Variants in DYNC2I2 observed in about 807,000 individuals in gnomAD.
DYNC2I2 encodes cytoplasmic dynein 2 intermediate chain 2.
In DYNC2I2, 39 loss-of-function variants were observed where a neutral mutation model predicts 52.0. The observed-to-expected ratio is 0.75, with a 90% CI of 0.58 to 0.98. DYNC2I2 has a LOEUF of 0.98. DYNC2I2 is among the 50% of genes least tolerant of loss of function. The pLI, the probability that DYNC2I2 is intolerant of heterozygous loss-of-function variation, is 0.00. For missense variants in DYNC2I2, 743 were observed against 728.4 expected, an observed-to-expected ratio of 1.02 and a Z score of -0.23; for synonymous variants, 359 against 321.1, an observed-to-expected ratio of 1.12 and a Z score of -1.26.
At position 128,642,359 on chromosome 9, in the gene DYNC2I2, G is replaced by C. The variant is rs566735983; in HGVS notation, c.187-1420C>G. Among the ~76,000 whole-genome samples, 3 of 150,644 alleles carry C rather than the reference G, an allele frequency of 2.0e-5. No individual in the cohort carries two copies. In the East Asian group the frequency reaches 5.9e-4, roughly 30 times the overall value. On this transcript the variant is annotated intron_variant, in intron 1 of 8. Transcript: ENST00000372715. ...TAATCCTAGCTACTCAGAAGGCTGA[G>C]GCAGGAGAACTGCTTGAACCCGGGA...
chr9:128,673,249 A>T, the DYNC2I2 span, among the ~76,000 whole-genome samples: 1 of 152,238 alleles, frequency 6.6e-6, no homozygotes. Context: ...AGATTAAAAA[A>T]TACTGTCAAT....
upstream of DYNC2I2, among the ~76,000 whole-genome samples, chr9:128,658,501 G>A (rs148351269): frequency 3.7e-3 from 555 of 150,858 alleles, 7 homozygotes; most frequent in African/African-American, 0.013. Flanking sequence ...TCGCTTTGTC[G>A]TCCAGGCTGG....
In DYNC2I2 at chr9:128,636,448, G is replaced by C; in HGVS notation, c.546-10C>G. The C allele has an allele frequency of 2.5e-6, 4 of 1,595,756 alleles. No homozygotes were observed. The highest frequency in any genetic ancestry group is 3.4e-6 in the Non-Finnish European group (4 of 1,175,168). On this transcript the variant is annotated splice_polypyrimidine_tract_variant and intron_variant, in intron 3 of 8. Coordinates refer to ENST00000372715, the MANE Select transcript of DYNC2I2 (RefSeq NM_052844.4). ...GTCCCCATGGTCCAGCCTGTGCAGG[G>C]ACAGGCTTGAGCCGGCTGTGCCCCT...
Position 128,634,330 on chromosome 9 carries a change from A to T in DYNC2I2, c.1268T>A (p.Leu423Gln). The change falls in exon 8 of 9, where the codon CTG (leucine) becomes CAG (glutamine). Residue 423 changes from leucine to glutamine, a missense_variant. Coordinates refer to ENST00000372715, the MANE Select transcript of DYNC2I2 (RefSeq NM_052844.4). ...CAGCGAAGTCAAGGGAGGGGCCTGC[A>T]GCATGGAGTACAGGTGGACATGCCC... ...TDGHVHLYSM[L>Q]QAPPLTSLQL... The T allele has an allele frequency of 1.2e-6, 2 of 1,612,356 alleles. No homozygotes were observed. The highest frequency in any genetic ancestry group is 1.7e-6 in the Non-Finnish European group (2 of 1,179,348).
chr9:128,674,508 C>T, the DYNC2I2 span, among the ~76,000 whole-genome samples: 1 of 150,786 alleles, frequency 6.6e-6, no homozygotes, highest in East Asian at 2.1e-4. Context: ...CTTTGGGAGG[C>T]CAAGGACGGT....
At chr9:128,647,805 C>T (rs976506464) in intron 1 of DYNC2I2, among the ~76,000 whole-genome samples, 3 of 150,680 alleles carry the variant, frequency 2.0e-5, no homozygotes, top group African/African-American at 7.3e-5. Context: ...CAGACCAGGA[C>T]ATCCTTGGAG....
Position 128,640,888 on chromosome 9 carries a change from T to TG in DYNC2I2, c.237dup (p.Arg80GlnfsTer25), listed in dbSNP as rs776261791. ...TGCACCTGGGCGTCCACATGATTCCTGGCCTGGGCGGATGCACTGGCAGTG... is the reference window on the plus strand; with the variant it reads ...TGCACCTGGGCGTCCACATGATTCCTGGGCCTGGGCGGATGCACTGGCAGTG... On this transcript the variant is annotated frameshift_variant, in exon 2 of 9. Coordinates refer to ENST00000372715, the MANE Select transcript of DYNC2I2 (RefSeq NM_052844.4). LOFTEE classifies it high-confidence loss of function. 1 of 1,611,086 alleles carries TG rather than the reference T, an allele frequency of 6.2e-7. No homozygotes were observed. The highest frequency in any genetic ancestry group is 2.2e-5 in the East Asian group (1 of 44,832).
chr9:128,636,826 G>T, intron 3 of DYNC2I2, 92 bp downstream of exon 3: 2 of 1,024,162 alleles, frequency 2.0e-6, no homozygotes, highest in South Asian at 1.4e-5. Flanking sequence ...CAAGCTCTTA[G>T]AACCAGCCCT....
upstream of DYNC2I2, among the ~76,000 whole-genome samples, chr9:128,661,235 C>G (rs1252567327): frequency 7.0e-6 from 1 of 143,784 alleles, no homozygotes; most frequent in Non-Finnish European, 1.5e-5. Context: ...CCAGCTACTC[C>G]GGAGACCGAG....
At chr9:128,634,025 G>A in intron 8 of DYNC2I2, 43 bp from the exon 9 acceptor site, 2 of 1,604,566 alleles carry the variant, frequency 1.2e-6, no homozygotes, top group Non-Finnish European at 8.5e-7. Flanking sequence ...AAACTCTAGA[G>A]ACCAACCACA....
chr9:128,683,865 C>T, the DYNC2I2 span: 5 of 1,527,114 alleles, frequency 3.3e-6, no homozygotes, highest in East Asian at 2.5e-5. Flanking sequence ...CGAGGAGACT[C>T]GTGGTCTGGT....
chr9:128,667,303 G>A, the DYNC2I2 span, among the ~76,000 whole-genome samples: 2 of 152,112 alleles, frequency 1.3e-5, no homozygotes, highest in Non-Finnish European at 2.9e-5. Flanking sequence ...TGAGGTTGCA[G>A]TAAACTGTGA....
At chr9:128,661,628 C>A (rs1860919748), upstream of DYNC2I2, among the ~76,000 whole-genome samples, 2 of 151,820 alleles carry the variant, frequency 1.3e-5, no homozygotes, top group Admixed American at 1.3e-4. Flanking sequence ...CAGAAAAAGA[C>A]AAACCAAAAA....
intron 2 of DYNC2I2, 98 bp from the exon 3 acceptor site, chr9:128,637,125 G>C: frequency 1.3e-6 from 1 of 775,458 alleles, no homozygotes; most frequent in Admixed American, 2.2e-5. Flanking sequence ...CTTAGCCCTA[G>C]AGGCCCTCAA....
At chr9:128,652,986 TGGGAGGCTGA>T (rs2132180591) in intron 1 of DYNC2I2, among the ~76,000 whole-genome samples, 1 of 148,834 alleles carries the variant, frequency 6.7e-6, no homozygotes, top group African/African-American at 2.5e-5. Flanking sequence ...CCAAGCAGTT[TGGGAGGCTGA>T]GGCGGGTGGA....
intron 1 of DYNC2I2, 43 bp downstream of exon 1, chr9:128,656,498 G>A (rs1860827016): frequency 3.2e-6 from 4 of 1,235,200 alleles, no homozygotes; most frequent in East Asian, 3.4e-5. Flanking sequence ...CTGCGACCCC[G>A]CCTTCCCGCC....
chr9:128,656,683 C>G lies in DYNC2I2; in HGVS notation c.44G>C (p.Ser15Thr), dbSNP rs752793349. 2.7e-5 allele frequency: 41 copies of G among 1,498,246 alleles called. No homozygotes were observed. The highest frequency in any genetic ancestry group is 3.2e-5 in the Non-Finnish European group (36 of 1,134,596). 92.8% of individuals were successfully genotyped at this position (1,498,246 alleles called of 1,614,324 possible). A position where few individuals can be genotyped will look rare whatever the true frequency, so the allele number is the denominator to read the frequency against. The change falls in exon 1 of 9, where the codon AGC becomes ACC. Residue 15 changes from serine (S) to threonine (T), a missense_variant. Coordinates refer to ENST00000372715, the MANE Select transcript of DYNC2I2 (RefSeq NM_052844.4). Reference protein sequence around the residue: ...AQPGPLSQAGSAGVAALATVG... With the variant: ...AQPGPLSQAGTAGVAALATVG... ...TGTCGCCAGCGCCGCAACACCAGCGCTTCCCGCCTGGCTGAGTGGCCCCGG... is the reference window on the plus strand; with the variant it reads ...TGTCGCCAGCGCCGCAACACCAGCGGTTCCCGCCTGGCTGAGTGGCCCCGG...
At chr9:128,667,366 C>T in the DYNC2I2 span, among the ~76,000 whole-genome samples, 10 of 151,924 alleles carry the variant, frequency 6.6e-5, no homozygotes, top group African/African-American at 2.4e-4. Context: ...CACACTGTCG[C>T]CCAGGATGGT....
chr9:128,657,763 C>A (rs538354862), upstream of DYNC2I2, among the ~76,000 whole-genome samples: 9 of 152,024 alleles, frequency 5.9e-5, no homozygotes, highest in South Asian at 1.9e-3. Context: ...GCTATGATTA[C>A]ACCACTACAC....
Sources: allele counts gnomAD v4.1 joint callset (sites outside exome capture counted in the v4.1 genomes callset), GRCh38; gene constraint gnomAD v4.1.1; transcripts MANE v1.5; gene names NCBI Gene and HGNC (gene_info 2026-07-23, HGNC 2026-07-21).